The following ZNF804B variants were observed in gnomAD, a reference collection of about 807,000 sequenced individuals.
ZNF804B encodes the protein zinc finger 804B.
ZNF804B carries 80 observed loss-of-function variants against 101.4 expected under a neutral mutation model. The observed-to-expected ratio is 0.79, with a 90% CI of 0.66 to 0.95. The LOEUF (loss-of-function observed/expected upper bound fraction) is 0.95, where lower values mean the gene tolerates loss of function less well. Among genes scored for constraint, ZNF804B ranks in the 40% least tolerant of loss-of-function variants. ZNF804B has a pLI of 0.00. For missense variants in ZNF804B, 1,673 were observed against 1,561.9 expected, an observed-to-expected ratio of 1.07 and a Z score of -1.20; for synonymous variants, 622 against 558.8, an observed-to-expected ratio of 1.11 and a Z score of -1.59.
rs549772550 is a variant in ZNF804B, at chr7:89,300,689, G to A, written c.250-26655G>A. ...GAGAGAATGACAGAAGATGAAACTG[G>A]AGAGGTATATACTGAGTGCCTAAAT... On this transcript the variant is annotated intron_variant, in intron 2 of 3. Coordinates refer to ENST00000333190, the MANE Select transcript of ZNF804B (RefSeq NM_181646.5). 2.6e-5 allele frequency among the ~76,000 whole-genome samples: 4 copies of A among 151,990 alleles called. No individual in the cohort carries two copies. In the South Asian group the frequency reaches 8.3e-4, roughly 32 times the overall value.
At chr7:89,054,006 C>T (rs959062430) in intron 1 of ZNF804B, among the ~76,000 whole-genome samples, 5 of 151,930 alleles carry the variant, frequency 3.3e-5, no homozygotes, top group Admixed American at 2.6e-4. Flanking sequence ...CTCTTTTAAC[C>T]TGCACAATTA....
chr7:88,886,034 G>C (rs1792120060), intron 1 of ZNF804B, among the ~76,000 whole-genome samples: 1 of 151,970 alleles, frequency 6.6e-6, no homozygotes, highest in South Asian at 2.1e-4. Context: ...CATTTTGTTA[G>C]TTTTCCATTA....
At chr7:89,185,368 G>A (rs1788360280) in intron 1 of ZNF804B, among the ~76,000 whole-genome samples, 1 of 152,134 alleles carries the variant, frequency 6.6e-6, no homozygotes, top group South Asian at 2.1e-4. Context: ...AGCAGGAAAA[G>A]CATGGAGTGA....
intron 1 of ZNF804B, among the ~76,000 whole-genome samples, chr7:89,060,841 A>C (rs1789369701): frequency 6.6e-6 from 1 of 152,164 alleles, no homozygotes; most frequent in African/African-American, 2.4e-5. Context: ...ACTGAAACTT[A>C]ATAAATGAAA....
intron 2 of ZNF804B, among the ~76,000 whole-genome samples, chr7:89,308,113 T>C (rs1184457091): frequency 6.6e-6 from 1 of 152,162 alleles, no homozygotes; most frequent in Non-Finnish European, 1.5e-5. Context: ...ATTTTTCAAA[T>C]ACAATGCTCC....
chr7:89,216,944 G>T (rs912797378), intron 1 of ZNF804B, among the ~76,000 whole-genome samples: 4 of 152,060 alleles, frequency 2.6e-5, no homozygotes, highest in African/African-American at 9.7e-5. Context: ...CTTTTATTTG[G>T]TATTGGGATA....
intron 1 of ZNF804B, among the ~76,000 whole-genome samples, chr7:88,981,329 C>T (rs1256613277): frequency 6.6e-6 from 1 of 152,074 alleles, no homozygotes; most frequent in Non-Finnish European, 1.5e-5. Flanking sequence ...GCTTAGGACT[C>T]TACCTGATGC....
At chr7:88,806,159 G>A (rs1248043937) in intron 1 of ZNF804B, among the ~76,000 whole-genome samples, 1 of 151,868 alleles carries the variant, frequency 6.6e-6, no homozygotes, top group Non-Finnish European at 1.5e-5. Flanking sequence ...GGTATACTCA[G>A]AAAAATCTAA....
At chr7:89,153,374 C>A (rs887597376) in intron 1 of ZNF804B, among the ~76,000 whole-genome samples, 3 of 151,152 alleles carry the variant, frequency 2.0e-5, no homozygotes, top group East Asian at 3.9e-4. Context: ...ACCGGTGAAT[C>A]TGCTTCTTTT....
At chr7:89,124,328 G>A (rs551775107) in intron 1 of ZNF804B, among the ~76,000 whole-genome samples, 46 of 152,166 alleles carry the variant, frequency 3.0e-4, no homozygotes, top group East Asian at 1.2e-3. Context: ...TCTATCCTAC[G>A]CAGAAGAGCT....
At chr7:89,294,925 G>C (rs1350705009) in intron 2 of ZNF804B, among the ~76,000 whole-genome samples, 1 of 151,820 alleles carries the variant, frequency 6.6e-6, no homozygotes, top group Non-Finnish European at 1.5e-5. Flanking sequence ...ATATATCTAA[G>C]GACATTAATT....
intron 1 of ZNF804B, among the ~76,000 whole-genome samples, chr7:88,906,086 A>G (rs1376318061): frequency 6.6e-6 from 1 of 151,934 alleles, no homozygotes; most frequent in East Asian, 1.9e-4. Flanking sequence ...TAGTAGTCTG[A>G]AGATCTTTTG....
chr7:89,330,338 G>A lies in ZNF804B; in HGVS notation c.380+2864G>A, dbSNP rs539668668. Reference sequence around the variant, plus strand: ...TTATCTTAGCTAATAATACCGTATTGTTTACTTGAAATTTGCCAAGAGAGT... The same window carrying A: ...TTATCTTAGCTAATAATACCGTATTATTTACTTGAAATTTGCCAAGAGAGT... On this transcript the variant is annotated intron_variant, in intron 3 of 3. Coordinates refer to ENST00000333190, the MANE Select transcript of ZNF804B (RefSeq NM_181646.5). 2.0e-3 allele frequency among the ~76,000 whole-genome samples: 306 copies of A among 151,654 alleles called. 1 individual carries two copies. The highest frequency in any genetic ancestry group is 6.9e-3 in the African/African-American group (287 of 41,444).
chr7:89,031,029 G>A (rs1027863620), intron 1 of ZNF804B, among the ~76,000 whole-genome samples: 10 of 151,906 alleles, frequency 6.6e-5, no homozygotes, highest in Non-Finnish European at 1.0e-4. Flanking sequence ...GGGGGCTGGG[G>A]GGTTGGGGGA....
chr7:89,318,772 T>C (rs1389634700), intron 2 of ZNF804B, among the ~76,000 whole-genome samples: 1 of 152,062 alleles, frequency 6.6e-6, no homozygotes, highest in Non-Finnish European at 1.5e-5. Flanking sequence ...TGAGACCAGC[T>C]CATTCGGAGA....
chr7:88,969,383 G>A (rs61546003), intron 1 of ZNF804B, among the ~76,000 whole-genome samples: 4,016 of 151,692 alleles, frequency 0.026, 191 homozygotes, highest in African/African-American at 0.092. Flanking sequence ...TGAGGTTAAT[G>A]CAATGGGTAA....
At chr7:89,078,297 A>G (rs903276923) in intron 1 of ZNF804B, among the ~76,000 whole-genome samples, 1 of 152,046 alleles carries the variant, frequency 6.6e-6, no homozygotes, top group Non-Finnish European at 1.5e-5. Context: ...TGTGCTAGGA[A>G]AAACAAATGC....
intron 1 of ZNF804B, among the ~76,000 whole-genome samples, chr7:88,847,392 A>C (rs1333177589): frequency 6.6e-6 from 1 of 152,074 alleles, no homozygotes; most frequent in Non-Finnish European, 1.5e-5. Flanking sequence ...TTTTTTAAAA[A>C]ATATATTTAG....
intron 1 of ZNF804B, among the ~76,000 whole-genome samples, chr7:89,216,151 A>G (rs1788891796): frequency 6.6e-6 from 1 of 151,826 alleles, no homozygotes; most frequent in South Asian, 2.1e-4. Flanking sequence ...TAAAAATACA[A>G]AAAAACGTAG....
Sources: gnomAD v4.1 joint callset for allele counts (sites outside exome capture counted in the v4.1 genomes callset) on GRCh38, gnomAD v4.1.1 for gene constraint, MANE v1.5 for transcripts, NCBI Gene and HGNC (gene_info 2026-07-23, HGNC 2026-07-21) for gene names.